PPIP5K2: variants seen among roughly 807,000 people sequenced by gnomAD.
PPIP5K2 encodes the protein inositol hexakisphosphate and diphosphoinositol-pentakisphosphate kinase 2.
A neutral mutation model predicts 154.6 loss-of-function variants in PPIP5K2; 105 were observed. That is an observed-to-expected ratio of 0.68 (90% CI 0.58 to 0.80). The LOEUF is 0.80. Among genes scored for constraint, PPIP5K2 ranks in the 30% least tolerant of loss-of-function variants. The pLI is 0.00. For missense variants in PPIP5K2, 992 were observed against 1,504.6 expected, an observed-to-expected ratio of 0.66 and a Z score of 5.64; for synonymous variants, 480 against 490.3, an observed-to-expected ratio of 0.98 and a Z score of 0.28.
At chr5:103,150,383 A>C (rs1794430685) in intron 8 of PPIP5K2, among the ~76,000 whole-genome samples, 1 of 152,334 alleles carries the variant, frequency 6.6e-6, no homozygotes, top group South Asian at 2.1e-4. Context: ...TTAGAGCCTG[A>C]GTGGCAAATT....
chr5:103,206,444 C>T lies in PPIP5K2; in HGVS notation c.*4810C>T, dbSNP rs1312128723. The T allele has an allele frequency of 2.0e-5, 3 of 152,198 alleles. No homozygotes were observed. The highest frequency in any genetic ancestry group is 4.4e-5 in the Non-Finnish European group (3 of 68,046). 9.4% of individuals were successfully genotyped at this position (152,198 alleles called of 1,614,324 possible). A position where few individuals can be genotyped will look rare whatever the true frequency, so the allele number is the denominator to read the frequency against. ...GAGCCAACTTCTTTGATCATCTACT[C>T]ACCCCTAGATAAATAGAATACTCCA... On this transcript the variant is annotated 3_prime_UTR_variant, in exon 31 of 31. Transcript: ENST00000358359.
At chr5:103,189,944 A>C (rs17155126) in intron 28 of PPIP5K2, among the ~76,000 whole-genome samples, 7,812 of 152,072 alleles carry the variant, frequency 0.051, 516 homozygotes, top group African/African-American at 0.16. Context: ...ATTAATTTGA[A>C]TTTTTGGAAG....
intron 23 of PPIP5K2, among the ~76,000 whole-genome samples, chr5:103,178,624 CTT>C (rs1237291182): frequency 3.3e-5 from 5 of 151,474 alleles, no homozygotes; most frequent in Middle Eastern, 3.4e-3. Flanking sequence ...TCTAAAGACT[CTT>C]TGAGATTTTG....
chr5:103,123,018 C>T (rs1789033997), intron 1 of PPIP5K2, among the ~76,000 whole-genome samples: 1 of 152,202 alleles, frequency 6.6e-6, no homozygotes, highest in Admixed American at 6.5e-5. Context: ...TCTCCAACAA[C>T]AGCAGTGGCA....
rs1049183788 is a variant in PPIP5K2 at position 103,145,008 on chromosome 5, A to G, written c.488-1519A>G. On this transcript the variant is annotated intron_variant, in intron 5 of 30. Coordinates refer to ENST00000358359, the MANE Select transcript of PPIP5K2 (RefSeq NM_001276277.3). ...GGGAGAAGATATTTGTAAACTACCC[A>G]TTTGACAAGGGACTAATAACCAGAA... 2.2e-4 allele frequency among the ~76,000 whole-genome samples: 33 copies of G among 152,278 alleles called. 1 individual carries two copies. In the Middle Eastern group the frequency reaches 0.014, roughly 63 times the overall value.
intron 5 of PPIP5K2, among the ~76,000 whole-genome samples, chr5:103,143,070 T>G (rs1469823463): frequency 6.6e-6 from 1 of 152,136 alleles, no homozygotes; most frequent in Non-Finnish European, 1.5e-5. Flanking sequence ...TAATCAGAGT[T>G]AAGTTGTCAT....
At chr5:103,147,874 A>T in intron 6 of PPIP5K2, 57 bp from the exon 7 acceptor site, 1 of 1,005,506 alleles carries the variant, frequency 9.9e-7, no homozygotes, top group East Asian at 2.4e-5. Flanking sequence ...TCATTTTATC[A>T]TAAAAATGAG....
chr5:103,161,773 A>T (rs1410476855), intron 17 of PPIP5K2, among the ~76,000 whole-genome samples: 4 of 152,092 alleles, frequency 2.6e-5, no homozygotes, highest in African/African-American at 9.7e-5. Flanking sequence ...GTCTGTTCAT[A>T]TCCTTCACCC....
rs1452516784 is a variant in PPIP5K2, at chr5:103,180,180, A to G, written c.2914A>G (p.Thr972Ala). 1 of 1,590,456 alleles carries G rather than the reference A, an allele frequency of 6.3e-7. No homozygotes were observed. The highest frequency in any genetic ancestry group is 8.5e-7 in the Non-Finnish European group (1 of 1,171,480). Residue 972 changes from threonine to alanine, a missense_variant, in exon 24 of 31, where the codon ACA becomes GCA. Transcript: ENST00000358359. Reference protein sequence around the residue: ...SPLPRSRKTATNDEESPLSVS... With the variant: ...SPLPRSRKTAANDEESPLSVS... ...ACTTCCAAGATCTAGGAAGACGGCT[A>G]CAAATGATGTAAGTATATGTATCAG...
chr5:103,173,927 T>C lies in PPIP5K2; in HGVS notation c.2484T>C (p.His828=), dbSNP rs565127215. The C allele has an allele frequency of 8.1e-6, 13 of 1,609,394 alleles. 1 individual carries two copies. In the African/African-American group the frequency reaches 9.4e-5, roughly 12 times the overall value. ...GATTATATTTTACCAGTGAAAGTCA[T>C]GTACATTCTTTGCTGTCTATTCTTC... is the stretch of plus-strand genomic sequence containing the variant. ...RTRLYFTSES[H]VHSLLSILRY... Residue 828 remains histidine, a synonymous_variant, in exon 21 of 31, where the codon CAT becomes CAC. Coordinates refer to ENST00000358359, the MANE Select transcript of PPIP5K2 (RefSeq NM_001276277.3).
chr5:103,186,211 A>G, intron 26 of PPIP5K2, 109 bp from the exon 27 acceptor site: 1 of 1,400,906 alleles, frequency 7.1e-7, no homozygotes, highest in Non-Finnish European at 9.9e-7. Context: ...AGGCACTTCC[A>G]AAGGTTGCCT....
At chr5:103,180,260 T>TA (rs1799308857) in intron 24 of PPIP5K2, 72 bp downstream of exon 24, 1 of 1,300,574 alleles carries the variant, frequency 7.7e-7, no homozygotes, top group African/African-American at 1.6e-5. Context: ...GAAAAGAAAA[T>TA]ACAGCTTTAA....
rs1234220142 is a variant in PPIP5K2 at position 103,167,977 on chromosome 5, T to C, written c.2063-95T>C. ...CTCTAACTTCATACAGTTGTATTTTTGACACTTTAAAAAGTTTCTAATTAT... is the reference window on the plus strand; with the variant it reads ...CTCTAACTTCATACAGTTGTATTTTCGACACTTTAAAAAGTTTCTAATTAT... On this transcript the variant is annotated intron_variant, in intron 18 of 30. Transcript: ENST00000358359. 4.0e-6 allele frequency: 3 copies of C among 754,818 alleles called. No individual in the cohort carries two copies. The African/African-American group carries it at 5.4e-5, about 14-fold the overall frequency. 46.8% of individuals were successfully genotyped at this position (754,818 alleles called of 1,614,324 possible).
intron 24 of PPIP5K2, 76 bp from the exon 25 acceptor site, chr5:103,183,158 C>T: frequency 9.0e-7 from 1 of 1,107,038 alleles, no homozygotes; most frequent in Admixed American, 5.7e-5. Flanking sequence ...TCTGTTGTAT[C>T]TAACTTTGCA....
Position 103,155,404 on chromosome 5 carries a change from GTCTTTTTTTTTTTTTTTTTTTTTT to G in PPIP5K2, c.1403+463_1404-480del, listed in dbSNP as rs1795251192. On this transcript the variant is annotated intron_variant, in intron 13 of 30. Transcript: ENST00000358359. ...TTCTGTACTTTATCTCTTCAGAGTT[GTCTTTTTTTTTTTTTTTTTTTTTT>G]TTTTTTTTTTTTTTTTGAGACAGGG... Among the ~76,000 whole-genome samples the G allele has an allele frequency of 1.7e-4, 4 of 23,896 alleles. No homozygotes were observed. The Admixed American group carries it at 2.2e-3, about 13-fold the overall frequency. The allele number at this position is 23,896 out of a possible 152,430, so 15.7% of individuals were successfully genotyped here.
intron 1 of PPIP5K2, among the ~76,000 whole-genome samples, chr5:103,124,348 A>G (rs1399256686): frequency 2.6e-5 from 4 of 151,898 alleles, no homozygotes; most frequent in Non-Finnish European, 5.9e-5. Context: ...ATGTATTTGA[A>G]TTTATTTTAT....
chr5:103,142,559 C>T lies in PPIP5K2; in HGVS notation c.488-3968C>T, dbSNP rs1332270177. ...GCCCAGGCAGAGGAGGCGCCAAGAG[C>T]GAGCGAGGGCTGTGAGGACTGCTAG... On this transcript the variant is annotated intron_variant, in intron 5 of 30. Transcript: ENST00000358359. Among the ~76,000 whole-genome samples, 7 of 152,162 alleles carry T rather than the reference C, an allele frequency of 4.6e-5. No individual in the cohort carries two copies. The South Asian group carries it at 8.3e-4, about 18-fold the overall frequency.
chr5:103,169,581 CTATA>C (rs1797647350), intron 19 of PPIP5K2, among the ~76,000 whole-genome samples: 4 of 151,688 alleles, frequency 2.6e-5, no homozygotes, highest in Non-Finnish European at 5.9e-5. Flanking sequence ...TGAAAGAGAA[CTATA>C]TATTTGATCA....
chr5:103,157,525 C>T (rs1457504156), intron 14 of PPIP5K2, among the ~76,000 whole-genome samples: 2 of 152,062 alleles, frequency 1.3e-5, no homozygotes, highest in African/African-American at 4.8e-5. Context: ...ACGCCTTAAT[C>T]CCAGCACTTT....
Sources: allele counts gnomAD v4.1 joint callset (sites outside exome capture counted in the v4.1 genomes callset), GRCh38; gene constraint gnomAD v4.1.1; transcripts MANE v1.5; gene names NCBI Gene and HGNC (gene_info 2026-07-23, HGNC 2026-07-21).